USP43: variants seen among roughly 807,000 people sequenced by gnomAD.
USP43 encodes the protein ubiquitin carboxyl-terminal hydrolase 43.
In USP43, 33 loss-of-function variants were observed where a neutral mutation model predicts 90.7. The observed-to-expected ratio is 0.36, with a 90% CI of 0.28 to 0.49. USP43 has a LOEUF of 0.49. Among genes scored for constraint, USP43 ranks in the 20% least tolerant of loss-of-function variants. The pLI is 0.98. For synonymous variants in USP43, 598 were observed against 615.8 expected (o/e 0.97, Z 0.43); for missense variants, 1,274 against 1,476.4 (o/e 0.86, Z 2.25).
chr17:9,684,911 A>G (rs2151978519), intron 7 of USP43, among the ~76,000 whole-genome samples: 1 of 152,346 alleles, frequency 6.6e-6, no homozygotes, highest in Admixed American at 6.5e-5. Context: ...CCGGGGAATC[A>G]GGTAAATTGG....
intron 12 of USP43, among the ~76,000 whole-genome samples, chr17:9,707,809 A>T (rs1915973033): frequency 6.6e-6 from 1 of 152,154 alleles, no homozygotes; most frequent in Non-Finnish European, 1.5e-5. Flanking sequence ...CATTGCACAA[A>T]TGTATATTAA....
intron 2 of USP43, among the ~76,000 whole-genome samples, chr17:9,658,150 T>A (rs1203709460): frequency 1.3e-5 from 2 of 152,200 alleles, no homozygotes; most frequent in African/African-American, 4.8e-5. Flanking sequence ...ATTCTTTTCA[T>A]TAATCAAATA....
intron 9 of USP43, among the ~76,000 whole-genome samples, chr17:9,699,023 C>T (rs1597866410): frequency 6.6e-6 from 1 of 152,282 alleles, no homozygotes; most frequent in East Asian, 1.9e-4. Flanking sequence ...CAGTCTGTCT[C>T]CTCAGAATGG....
chr17:9,715,501 T>C (rs1338924091), intron 14 of USP43, among the ~76,000 whole-genome samples: 3 of 152,086 alleles, frequency 2.0e-5, no homozygotes, highest in Non-Finnish European at 2.9e-5. Flanking sequence ...ACTGTATGTC[T>C]GTGTATGTGT....
intron 13 of USP43, among the ~76,000 whole-genome samples, chr17:9,710,345 A>G (rs1352137633): frequency 6.6e-6 from 1 of 152,152 alleles, no homozygotes; most frequent in East Asian, 1.9e-4. Context: ...GTTTGTATTC[A>G]GGGCAGGCGA....
upstream of USP43, chr17:9,645,432 C>T: frequency 2.9e-6 from 1 of 350,664 alleles, no homozygotes; most frequent in Non-Finnish European, 4.6e-6. The surrounding 1 kb of genome is among the most constrained non-coding windows in gnomAD (Gnocchi z 6.8). Context: ...CCCGGCGCTG[C>T]CCTGGAGGGG....
At chr17:9,699,592 C>T (rs1281766069) in intron 9 of USP43, among the ~76,000 whole-genome samples, 1 of 152,206 alleles carries the variant, frequency 6.6e-6, no homozygotes, top group Admixed American at 6.5e-5. Flanking sequence ...TCATGTGCTC[C>T]ACTTTGCTCT....
chr17:9,725,760 C>T (rs987750865), intron 14 of USP43, among the ~76,000 whole-genome samples: 6 of 152,176 alleles, frequency 3.9e-5, no homozygotes, highest in East Asian at 3.9e-4. Context: ...ACTGCTATTT[C>T]GGGCAGCTGC....
chr17:9,727,791 T>G (rs1029633744), intron 14 of USP43, among the ~76,000 whole-genome samples, 163 bp from the exon 15 acceptor site: 1 of 152,180 alleles, frequency 6.6e-6, no homozygotes, highest in Admixed American at 6.5e-5. Flanking sequence ...GGTGAAACCG[T>G]TGCTGTTCCC....
At chr17:9,676,620 C>T (rs958102122) in intron 4 of USP43, 126 bp from the exon 5 acceptor site, 113 of 1,232,620 alleles carry the variant, frequency 9.2e-5, no homozygotes, top group Admixed American at 4.7e-4. Flanking sequence ...GATCCACCTG[C>T]TTCAGCCTCC....
In USP43 at chr17:9,715,721, A is replaced by ATGTG. The variant is rs1555555524; in HGVS notation, c.2335+3607_2335+3610dup. Among the ~76,000 whole-genome samples the ATGTG allele has an allele frequency of 5.8e-3, 601 of 103,068 alleles. 4 individuals carry two copies. Among genetic ancestry groups the ATGTG allele is most frequent in the Admixed American group, 9.8e-3 (98 of 9,970 alleles). The allele number at this position is 103,068 out of a possible 152,430, so 67.6% of individuals were successfully genotyped here. On this transcript the variant is annotated intron_variant, in intron 14 of 14. Coordinates refer to ENST00000285199, the MANE Select transcript of USP43 (RefSeq NM_153210.5). ...TGTCTGTGTGTGTCTCTGTGTGTGT[A>ATGTG]TGTGTGTGTGTGTGTGTGTGTCTCT...
At chr17:9,705,144 TTG>T (rs553564084) in intron 12 of USP43, among the ~76,000 whole-genome samples, 86 of 152,280 alleles carry the variant, frequency 5.6e-4, no homozygotes, top group African/African-American at 2.0e-3. Context: ...TAGTAGTTTC[TTG>T]TGTACTATTC....
intron 4 of USP43, among the ~76,000 whole-genome samples, chr17:9,675,698 T>A (rs1332657368): frequency 6.6e-6 from 1 of 152,192 alleles, no homozygotes; most frequent in Non-Finnish European, 1.5e-5. Flanking sequence ...AGACATAACA[T>A]CTTCAGAGGG....
At chr17:9,705,561 C>T (rs1404294299) in intron 12 of USP43, among the ~76,000 whole-genome samples, 1 of 151,766 alleles carries the variant, frequency 6.6e-6, no homozygotes, top group Non-Finnish European at 1.5e-5. Context: ...TCAAGACCAG[C>T]CTGGCCAACA....
intron 14 of USP43, among the ~76,000 whole-genome samples, chr17:9,718,711 A>G (rs1479288254): frequency 1.4e-5 from 2 of 145,306 alleles, no homozygotes; most frequent in Non-Finnish European, 3.0e-5. Flanking sequence ...ATGGTGGTGC[A>G]TGCCTGTAAT....
chr17:9,694,805 G>A (rs1193072190), intron 9 of USP43, among the ~76,000 whole-genome samples: 2 of 152,022 alleles, frequency 1.3e-5, no homozygotes, highest in East Asian at 3.9e-4. Context: ...TGTATTTTTA[G>A]TATAGACAGG....
chr17:9,729,006 T>A lies in USP43; in HGVS notation c.*16T>A, dbSNP rs751897843. 1.3e-5 allele frequency: 20 copies of A among 1,521,336 alleles called. No individual in the cohort carries two copies. Among genetic ancestry groups the A allele is most frequent in the Non-Finnish European group, 1.7e-5 (19 of 1,131,228 alleles). 94.2% of individuals were successfully genotyped at this position (1,521,336 alleles called of 1,614,324 possible). On this transcript the variant is annotated 3_prime_UTR_variant, in exon 15 of 15. Transcript: ENST00000285199. ...CAGCTTTTGATGGAGCGTGTCAGTATTGTGTGACGCTGGCATTCTTGGGAC... is the reference window on the plus strand; with the variant it reads ...CAGCTTTTGATGGAGCGTGTCAGTAATGTGTGACGCTGGCATTCTTGGGAC...
intron 12 of USP43, among the ~76,000 whole-genome samples, chr17:9,703,092 C>T (rs767221906): frequency 6.6e-5 from 10 of 152,208 alleles, no homozygotes; most frequent in Non-Finnish European, 7.3e-5. Context: ...GCCACTTCCC[C>T]TGTCTCACTT....
rs189195250 is a variant in USP43 at position 9,701,063 on chromosome 17, G to A, written c.1536-56G>A. ...GTTTGCTGTGAGTAGAGACATAGAC[G>A]AAACCTGTCTGGGAGCAGGAAAGTC... is the stretch of plus-strand genomic sequence containing the variant. On this transcript the variant is annotated intron_variant, in intron 10 of 14. Transcript: ENST00000285199. The surrounding 1 kb of genome is among the most constrained non-coding windows in gnomAD (Gnocchi z 7.2). 2.7e-4 allele frequency: 390 copies of A among 1,435,636 alleles called. 1 individual carries two copies. Among genetic ancestry groups the A allele is most frequent in the Admixed American group, 1.7e-3 (57 of 34,312 alleles). The allele number at this position is 1,435,636 out of a possible 1,614,324, so 88.9% of individuals were successfully genotyped here.
Sources: gnomAD v4.1 joint callset for allele counts (sites outside exome capture counted in the v4.1 genomes callset) on GRCh38, gnomAD v4.1.1 for gene constraint, Gnocchi (gnomAD v3.1) non-coding constraint, MANE v1.5 for transcripts, NCBI Gene and HGNC (gene_info 2026-07-23, HGNC 2026-07-21) for gene names.